The following TTI1 variants were observed in gnomAD, a reference collection of about 807,000 sequenced individuals.
The protein encoded by TTI1 is TELO2 interacting protein 1.
In TTI1, 52 loss-of-function variants were observed where a neutral mutation model predicts 85.4. The ratio of observed to expected loss-of-function variants is 0.61; its 90% CI spans 0.49 to 0.77. The LOEUF is 0.77. Ranked by LOEUF, TTI1 falls within the 30% of genes least tolerant of loss-of-function variation. The pLI is 0.00. For missense variants in TTI1, 1,173 were observed against 1,296.0 expected (o/e 0.91, Z 1.46); for synonymous variants, 512 against 503.9 (o/e 1.02, Z -0.22).
chr20:38,025,542 C>G (rs1231665993), intron 1 of TTI1, among the ~76,000 whole-genome samples: 1 of 150,784 alleles, frequency 6.6e-6, no homozygotes, highest in Non-Finnish European at 1.5e-5. Flanking sequence ...GCACTCCAGC[C>G]TGGGCAACAA....
chr20:38,013,542 A>C lies in TTI1; in HGVS notation c.275T>G (p.Leu92Arg). Reference sequence around the variant, plus strand: ...GAGTTCTGAAAAGAGTTCCTGGAGAAGCTCCTGTTCTTTCACACATGTTGA... The same window carrying C: ...GAGTTCTGAAAAGAGTTCCTGGAGACGCTCCTGTTCTTTCACACATGTTGA... ...LSSTCVKEQE[L>R]LQELFSELSA... Residue 92 changes from leucine to arginine, a missense_variant, in exon 2 of 8, where the codon CTT (leucine) becomes CGT (arginine). Physicochemically the swap from Leu to Arg is moderately radical, Grantham distance 102 (BLOSUM62 -2). Transcript: ENST00000373447. 6.2e-7 allele frequency: 1 copy of C among 1,614,226 alleles called. No homozygotes were observed. Among genetic ancestry groups the C allele is most frequent in the Non-Finnish European group, 8.5e-7 (1 of 1,180,040 alleles).
At chr20:37,996,581 C>T (rs2073342381) in intron 6 of TTI1, 119 bp from the exon 7 acceptor site, 3 of 1,409,470 alleles carry the variant, frequency 2.1e-6, no homozygotes, top group African/African-American at 1.4e-5. Flanking sequence ...CTCTCTACTC[C>T]ATCCCGCCAA....
intron 5 of TTI1, among the ~76,000 whole-genome samples, chr20:37,997,468 C>G (rs1010379635): frequency 6.6e-6 from 1 of 151,666 alleles, no homozygotes; most frequent in Non-Finnish European, 1.5e-5. Context: ...AAGTTGCAGC[C>G]GACTCGGTGT....
rs977285679 is a variant in TTI1 at position 38,024,092 on chromosome 20, A to T, written c.-42+9312T>A. Among the ~76,000 whole-genome samples, 6 of 152,176 alleles carry T rather than the reference A, an allele frequency of 3.9e-5. No individual in the cohort carries two copies. The East Asian group carries it at 1.2e-3, about 29-fold the overall frequency. On this transcript the variant is annotated intron_variant, in intron 1 of 7. Transcript: ENST00000373447. Reference sequence around the variant, plus strand: ...TCCACTAGACAGGACCTTTTTTGCTAGACAGTACATTTCTAAAAAAGGGAT... The same window carrying T: ...TCCACTAGACAGGACCTTTTTTGCTTGACAGTACATTTCTAAAAAAGGGAT...
At chr20:37,993,161 A>G (rs2073289810) in intron 7 of TTI1, among the ~76,000 whole-genome samples, 1 of 145,416 alleles carries the variant, frequency 6.9e-6, no homozygotes, top group African/African-American at 2.6e-5. Context: ...ACCTGGTGGT[A>G]ACACACAGCA....
chr20:38,022,360 G>C (rs1422646574), intron 1 of TTI1, among the ~76,000 whole-genome samples: 1 of 151,968 alleles, frequency 6.6e-6, no homozygotes, highest in Non-Finnish European at 1.5e-5. Flanking sequence ...TTCTTCCTTA[G>C]CACTTCACAA....
At chr20:38,014,035 C>T in intron 1 of TTI1, 178 bp from the exon 2 acceptor site, 1 of 588,694 alleles carries the variant, frequency 1.7e-6, no homozygotes, top group Non-Finnish European at 2.9e-6. Flanking sequence ...TGTACAGTTA[C>T]AATAAAGTCT....
In TTI1 at chr20:38,002,623, C is replaced by T; in HGVS notation, c.2652+5G>A. On this transcript the variant is annotated splice_donor_5th_base_variant and intron_variant, in intron 4 of 7. Transcript: ENST00000373447. ...GGGAATGCAGAGAAGCAGCTGCGCACTGACCTTCAGGCGGATTTGCAGATT... is the reference window on the plus strand; with the variant it reads ...GGGAATGCAGAGAAGCAGCTGCGCATTGACCTTCAGGCGGATTTGCAGATT... The T allele has an allele frequency of 1.2e-6, 2 of 1,614,032 alleles. No individual in the cohort carries two copies. The highest frequency in any genetic ancestry group is 1.7e-6 in the Non-Finnish European group (2 of 1,179,886).
intron 7 of TTI1, 56 bp from the exon 8 acceptor site, chr20:37,983,695 G>A: frequency 1.4e-6 from 2 of 1,392,290 alleles, no homozygotes; most frequent in Non-Finnish European, 9.4e-7. Context: ...GGCGGGGAAT[G>A]CTACAGCCCC....
chr20:38,018,148 G>C (rs927108651), intron 1 of TTI1, among the ~76,000 whole-genome samples: 5 of 152,174 alleles, frequency 3.3e-5, no homozygotes, highest in African/African-American at 1.2e-4. Flanking sequence ...ATTAGAAGCA[G>C]ACCTATGGAT....
chr20:37,983,258 G>T lies in TTI1; in HGVS notation c.*198C>A. 1.7e-6 allele frequency: 1 copy of T among 574,032 alleles called. No homozygotes were observed. The highest frequency in any genetic ancestry group is 3.0e-6 in the Non-Finnish European group (1 of 332,124). 35.6% of individuals were successfully genotyped at this position (574,032 alleles called of 1,614,324 possible). ...AATGTCACTTGACAACACAAGGTAT[G>T]AAACATAAATAATAGTCAGCTACTT... On this transcript the variant is annotated 3_prime_UTR_variant, in exon 8 of 8. Transcript: ENST00000373447.
chr20:37,994,839 C>T (rs1227642813), intron 7 of TTI1, among the ~76,000 whole-genome samples: 4 of 152,086 alleles, frequency 2.6e-5, no homozygotes, highest in Non-Finnish European at 4.4e-5. Context: ...GGTCCAATTC[C>T]GGGTTTAATT....
chr20:38,019,439 G>A (rs1248292912), intron 1 of TTI1, among the ~76,000 whole-genome samples: 1 of 152,120 alleles, frequency 6.6e-6, no homozygotes, highest in Non-Finnish European at 1.5e-5. Context: ...AAGTGTCTAA[G>A]AGTCTAGTAG....
chr20:38,005,816 A>AAT (rs1210768445), intron 3 of TTI1: 3 of 153,646 alleles, frequency 2.0e-5, no homozygotes, highest in African/African-American at 7.2e-5. Context: ...AAAATAAAAA[A>AAT]AAAAGGTCAC....
chr20:37,992,342 C>A (rs2073276595), intron 7 of TTI1, among the ~76,000 whole-genome samples: 1 of 151,996 alleles, frequency 6.6e-6, no homozygotes, highest in African/African-American at 2.4e-5. Context: ...GTGGTGTGAT[C>A]ACGGCTCACT....
At chr20:38,005,718 C>T (rs2073486489) in intron 3 of TTI1, 1 of 152,412 alleles carries the variant, frequency 6.6e-6, no homozygotes, top group Non-Finnish European at 1.5e-5. Flanking sequence ...ATTTGGCAAG[C>T]ATTAAATTAT....
chr20:38,003,491 A>G (rs1430902486), intron 3 of TTI1, among the ~76,000 whole-genome samples: 1 of 152,154 alleles, frequency 6.6e-6, no homozygotes, highest in Non-Finnish European at 1.5e-5. Context: ...ATGAATATTT[A>G]AGATAAAAAC....
Position 38,011,501 on chromosome 20 carries a change from G to A in TTI1, c.2302+14C>T. 6.2e-7 allele frequency: 1 copy of A among 1,610,322 alleles called. No individual in the cohort carries two copies. The highest frequency in any genetic ancestry group is 1.1e-5 in the South Asian group (1 of 90,764). ...TCCCCCACACATCAGCATTAAAAAG[G>A]GCTCTCAATGTACCTAATGCTGCCA... On this transcript the variant is annotated intron_variant, in intron 2 of 7. Transcript: ENST00000373447.
intron 2 of TTI1, 22 bp from the exon 3 acceptor site, chr20:38,006,419 G>A (rs1486270032): frequency 1.2e-6 from 2 of 1,613,210 alleles, no homozygotes; most frequent in South Asian, 1.1e-5. Flanking sequence ...GTGTTACAAT[G>A]ATCACCTTGG....
Sources: allele counts gnomAD v4.1 joint callset (sites outside exome capture counted in the v4.1 genomes callset), GRCh38; gene constraint gnomAD v4.1.1; transcripts MANE v1.5; gene names NCBI Gene and HGNC (gene_info 2026-07-23, HGNC 2026-07-21).